Variants in DACH2 observed in about 807,000 individuals in gnomAD.
DACH2 encodes the protein dachshund homolog 2.
A neutral mutation model predicts 35.8 loss-of-function variants in DACH2; 17 were observed. The observed-to-expected ratio is 0.48, with a 90% CI of 0.33 to 0.71. DACH2 has a LOEUF of 0.71. DACH2 is among the 30% of genes least tolerant of loss of function. The pLI is 0.02. For synonymous variants in DACH2, 195 were observed against 177.3 expected (o/e 1.10, Z -0.79); for missense variants, 469 against 472.7 (o/e 0.99, Z 0.07).
chrX:86,581,663 G>C (rs1223140242), intron 3 of DACH2, among the ~76,000 whole-genome samples: 2 of 111,753 alleles, frequency 1.8e-5, no homozygotes, highest in African/African-American at 6.5e-5. Context: ...ATGGTAATTA[G>C]TTCAATTCAA....
intron 2 of DACH2, among the ~76,000 whole-genome samples, chrX:86,378,935 A>T (rs6623664): frequency 0.12 from 12,961 of 110,460 alleles, 652 homozygotes; most frequent in East Asian, 0.31. Flanking sequence ...CCTTCAAGTG[A>T]TTTGAAAATT....
chrX:86,722,060 G>A (rs1195725999), intron 6 of DACH2, among the ~76,000 whole-genome samples: 1 of 111,831 alleles, frequency 8.9e-6, no homozygotes, highest in Admixed American at 9.4e-5. Context: ...TTATTACTGG[G>A]ACTCCAGTAC....
chrX:86,719,932 C>CTTTTTTTTTTT (rs57079697), intron 6 of DACH2, among the ~76,000 whole-genome samples: 1 of 75,588 alleles, frequency 1.3e-5, no homozygotes, highest in Non-Finnish European at 2.4e-5. Flanking sequence ...TTTCTTTTTT[C>CTTTTTTTTTTT]TTTTTTTTTT....
chrX:86,267,637 C>T (rs961237950), intron 1 of DACH2, among the ~76,000 whole-genome samples: 4 of 111,829 alleles, frequency 3.6e-5, no homozygotes, highest in African/African-American at 6.5e-5. Context: ...ATTTGTAAAA[C>T]GATGTGGTCA....
intron 3 of DACH2, among the ~76,000 whole-genome samples, chrX:86,598,418 T>A (rs1038173331): frequency 8.9e-6 from 1 of 112,064 alleles, no homozygotes; most frequent in Non-Finnish European, 1.9e-5. Flanking sequence ...TCTGTTGGTA[T>A]CACACCCAGC....
intron 4 of DACH2, 28 bp downstream of exon 4, chrX:86,651,195 A>G (rs764924074): frequency 1.7e-6 from 2 of 1,192,723 alleles, no homozygotes; most frequent in Non-Finnish European, 1.1e-6. Context: ...TCCCAGACCA[A>G]TGACTCTTAC....
At chrX:86,530,627 T>G (rs1337580046) in intron 3 of DACH2, among the ~76,000 whole-genome samples, 1 of 112,242 alleles carries the variant, frequency 8.9e-6, no homozygotes, top group Non-Finnish European at 1.9e-5. Context: ...CTTTTCTTTA[T>G]AAATTACTCA....
chrX:86,312,108 A>G (rs1469755151), intron 1 of DACH2, among the ~76,000 whole-genome samples: 1 of 112,179 alleles, frequency 8.9e-6, no homozygotes, highest in Non-Finnish European at 1.9e-5. Context: ...AGTCATCGTT[A>G]CCAGCTACAA....
chrX:86,743,682 C>A (rs1299205228), intron 7 of DACH2, among the ~76,000 whole-genome samples: 2 of 111,339 alleles, frequency 1.8e-5, no homozygotes, highest in Non-Finnish European at 3.8e-5. Flanking sequence ...ATTTTAATTT[C>A]ATTGATCTAT....
In DACH2 at chrX:86,832,444, T is replaced by C; in HGVS notation, c.*289T>C. On this transcript the variant is annotated 3_prime_UTR_variant, in exon 12 of 12. Coordinates refer to ENST00000373125, the MANE Select transcript of DACH2 (RefSeq NM_053281.3). ...TTTCTATGCTCATTTCAACTTGGCT[T>C]TTTGTCTTTTAAATTTTTAAAAAAT... The C allele has an allele frequency of 3.8e-6, 1 of 262,860 alleles. No individual in the cohort carries two copies. Among genetic ancestry groups the C allele is most frequent in the Non-Finnish European group, 6.6e-6 (1 of 151,372 alleles). The allele number at this position is 262,860 out of a possible 1,213,427, so 21.7% of individuals were successfully genotyped here. A position where few individuals can be genotyped will look rare whatever the true frequency, so the allele number is the denominator to read the frequency against.
chrX:86,544,588 A>G (rs1569435058), intron 3 of DACH2, among the ~76,000 whole-genome samples: 1 of 111,324 alleles, frequency 9.0e-6, no homozygotes, highest in African/African-American at 3.3e-5. Flanking sequence ...CTGACAAGCA[A>G]AAGTTAGGGG....
rs190211345 is a variant in DACH2 at position 86,398,605 on chromosome X, G to T, written c.527+21743G>T. On this transcript the variant is annotated intron_variant, in intron 2 of 11. Coordinates refer to ENST00000373125, the MANE Select transcript of DACH2 (RefSeq NM_053281.3). ...GTATGTTGTGTCTTTGTTCTCGTTA[G>T]TTTCAAAGAATATCTTTATTTCTGC... Among the ~76,000 whole-genome samples the T allele has an allele frequency of 9.2e-3, 1,033 of 111,878 alleles. 5 individuals carry two copies. The highest frequency in any genetic ancestry group is 0.015 in the Non-Finnish European group (782 of 53,162).
intron 2 of DACH2, 108 bp downstream of exon 2, chrX:86,376,970 G>A: frequency 3.0e-6 from 1 of 332,704 alleles, no homozygotes; most frequent in Non-Finnish European, 5.4e-6. Context: ...TACTCACTAA[G>A]GTAGGAAAGT....
At chrX:86,281,377 C>G (rs370514700) in intron 1 of DACH2, among the ~76,000 whole-genome samples, 2 of 111,450 alleles carry the variant, frequency 1.8e-5, no homozygotes, top group South Asian at 3.8e-4. Context: ...ATCCATCACA[C>G]GAACAGAACC....
chrX:86,405,354 A>C (rs2036509762), intron 2 of DACH2, among the ~76,000 whole-genome samples: 1 of 111,023 alleles, frequency 9.0e-6, no homozygotes, highest in South Asian at 3.8e-4. Flanking sequence ...ATATACCCTA[A>C]ATTATCTCTC....
At chrX:86,251,814 A>G in intron 1 of DACH2, among the ~76,000 whole-genome samples, 1 of 111,502 alleles carries the variant, frequency 9.0e-6, no homozygotes, top group Non-Finnish European at 1.9e-5. Context: ...GTGTACAAGT[A>G]TCTTTTTCGT....
At chrX:86,669,536 A>G (rs2040739522) in intron 4 of DACH2, among the ~76,000 whole-genome samples, 1 of 111,655 alleles carries the variant, frequency 9.0e-6, no homozygotes, top group Non-Finnish European at 1.9e-5. Flanking sequence ...AAGTAGAGCG[A>G]GTAGTGTCAT....
intron 1 of DACH2, among the ~76,000 whole-genome samples, chrX:86,274,180 T>G (rs1467529690): frequency 9.0e-6 from 1 of 111,137 alleles, no homozygotes; most frequent in Non-Finnish European, 1.9e-5. Flanking sequence ...AAATTACTGG[T>G]AAATCACTGC....
At chrX:86,422,854 A>G (rs1187690913) in intron 2 of DACH2, among the ~76,000 whole-genome samples, 1 of 110,081 alleles carries the variant, frequency 9.1e-6, no homozygotes, top group African/African-American at 3.3e-5. Context: ...TCATCCTTCT[A>G]CTCTCCATCT....
Sources: gnomAD v4.1 joint callset for allele counts (sites outside exome capture counted in the v4.1 genomes callset) on GRCh38, gnomAD v4.1.1 for gene constraint, MANE v1.5 for transcripts, NCBI Gene and HGNC (gene_info 2026-07-23, HGNC 2026-07-21) for gene names.